CTNNA2: variants seen among roughly 807,000 people sequenced by gnomAD.
The protein encoded by CTNNA2 is catenin alpha 2.
CTNNA2 carries 42 observed loss-of-function variants against 101.0 expected under a neutral mutation model. That is an observed-to-expected ratio of 0.42 (90% CI 0.32 to 0.54). The LOEUF (loss-of-function observed/expected upper bound fraction) is 0.54. CTNNA2 is among the 20% of genes least tolerant of loss of function. CTNNA2 has a pLI of 0.14. For synonymous variants in CTNNA2, 450 were observed against 456.4 expected (o/e 0.99, Z 0.18); for missense variants, 871 against 1,223.1 (o/e 0.71, Z 4.29).
intron 4 of CTNNA2, among the ~76,000 whole-genome samples, chr2:79,482,166 A>G (rs1481611779): frequency 6.6e-6 from 1 of 152,186 alleles, no homozygotes; most frequent in African/African-American, 2.4e-5. Context: ...ACGGTTCATA[A>G]CAATAGAGAC....
At chr2:79,395,526 T>G (rs1405389571) in intron 4 of CTNNA2, among the ~76,000 whole-genome samples, 1 of 151,988 alleles carries the variant, frequency 6.6e-6, no homozygotes, top group Non-Finnish European at 1.5e-5. Flanking sequence ...GAAGAGAAAA[T>G]TTTTGAATGT....
rs116966994 is a variant in CTNNA2, at chr2:79,463,741, C to A, written c.-134-41313C>A. The stretch of plus-strand genomic sequence containing the variant: ...TTCTCAACAGATCATTCTGAGATCT[C>A]GAGAGTGGAAGGGGTGCCATTACCA... On this transcript the variant is annotated intron_variant, in intron 4 of 21. Transcript: ENST00000466387. Among the ~76,000 whole-genome samples, 178 of 152,182 alleles carry A rather than the reference C, an allele frequency of 1.2e-3. 4 individuals carry two copies. The East Asian group carries it at 0.029, about 25-fold the overall frequency.
chr2:79,927,503 TA>T (rs1352156987), intron 7 of CTNNA2, among the ~76,000 whole-genome samples: 1 of 152,078 alleles, frequency 6.6e-6, no homozygotes, highest in African/African-American at 2.4e-5. Context: ...ATAACTAAAA[TA>T]ACCTGAAGAT....
chr2:79,321,002 T>C (rs1186785786), intron 3 of CTNNA2, among the ~76,000 whole-genome samples: 1 of 152,198 alleles, frequency 6.6e-6, no homozygotes, highest in Non-Finnish European at 1.5e-5. Flanking sequence ...CCTAGGATCT[T>C]AGAGTATCTC....
chr2:79,288,220 C>T (rs113075417), intron 2 of CTNNA2, among the ~76,000 whole-genome samples: 19,681 of 152,284 alleles, frequency 0.13, 1,388 homozygotes, highest in Middle Eastern at 0.21. Flanking sequence ...GCGTCACTCA[C>T]GCTGGGAGCT....
At chr2:80,400,349 G>T (rs1559077978) in intron 8 of CTNNA2, among the ~76,000 whole-genome samples, 1 of 151,954 alleles carries the variant, frequency 6.6e-6, no homozygotes, top group African/African-American at 2.4e-5. Context: ...CTTCCTGCAG[G>T]CTCTGCCATG....
chr2:79,525,752 G>T (rs1477496479), intron 1 of CTNNA2, among the ~76,000 whole-genome samples: 1 of 151,940 alleles, frequency 6.6e-6, no homozygotes, highest in East Asian at 1.9e-4. Context: ...TCATGGAATG[G>T]CAAGAGACTT....
intron 2 of CTNNA2, among the ~76,000 whole-genome samples, chr2:79,655,781 A>G (rs1681568496): frequency 6.6e-6 from 1 of 151,704 alleles, no homozygotes; most frequent in Admixed American, 6.6e-5. Context: ...GTGAGCCAAG[A>G]TCATGCCACT....
intron 3 of CTNNA2, among the ~76,000 whole-genome samples, chr2:79,765,630 C>G (rs1398649160): frequency 1.3e-5 from 2 of 152,152 alleles, no homozygotes; most frequent in African/African-American, 4.8e-5. Context: ...GAACACACAC[C>G]CATCTTCCCT....
In CTNNA2 at chr2:80,584,869, T is replaced by G. The variant is rs1017717347; in HGVS notation, c.2007+3050T>G. Among the ~76,000 whole-genome samples, 11 of 152,290 alleles carry G rather than the reference T, an allele frequency of 7.2e-5. No homozygotes were observed. In the East Asian group the frequency reaches 1.5e-3, roughly 21 times the overall value. On this transcript the variant is annotated intron_variant, in intron 14 of 18. Coordinates refer to ENST00000402739, the MANE Select transcript of CTNNA2 (RefSeq NM_001282597.3). Reference sequence around the variant, plus strand: ...TCATTAGAAGGCTGACTAAATAATTTCACCTAAAAGAGTTGGATCATTCAG... The same window carrying G: ...TCATTAGAAGGCTGACTAAATAATTGCACCTAAAAGAGTTGGATCATTCAG...
At chr2:79,352,029 G>A (rs765345350) in intron 3 of CTNNA2, among the ~76,000 whole-genome samples, 3 of 152,134 alleles carry the variant, frequency 2.0e-5, no homozygotes, top group East Asian at 1.9e-4. Context: ...GAACTAATTT[G>A]CATTCCTGCC....
intron 1 of CTNNA2, among the ~76,000 whole-genome samples, chr2:79,616,602 C>CCAT (rs1379588290): frequency 5.9e-5 from 9 of 152,158 alleles, no homozygotes; most frequent in South Asian, 2.1e-4. Flanking sequence ...ATCCATCCAC[C>CCAT]CATCACCTTC....
chr2:79,381,687 T>G (rs937767922), intron 4 of CTNNA2, among the ~76,000 whole-genome samples: 5 of 152,202 alleles, frequency 3.3e-5, no homozygotes, highest in African/African-American at 1.2e-4. Flanking sequence ...TTTCTCTTTG[T>G]TCAGAGGCTC....
chr2:79,341,890 G>C lies in CTNNA2; in HGVS notation c.-318+29094G>C, dbSNP rs556011724. ...GAATAATAAGTTGTCCTTCAGGTCT[G>C]ACCTAGGAGTCTGATGTCTTTTATG... On this transcript the variant is annotated intron_variant, in intron 3 of 21. Coordinates refer to the CTNNA2 transcript ENST00000466387. Among the ~76,000 whole-genome samples the C allele has an allele frequency of 3.9e-5, 6 of 152,282 alleles. No homozygotes were observed. In the South Asian group the frequency reaches 1.2e-3, roughly 32 times the overall value.
intron 4 of CTNNA2, among the ~76,000 whole-genome samples, chr2:79,479,130 C>G (rs905578434): frequency 6.6e-6 from 1 of 152,198 alleles, no homozygotes; most frequent in Non-Finnish European, 1.5e-5. Context: ...ATGTTACCAT[C>G]TTCCTGAAGT....
chr2:79,374,043 G>A (rs1385515172), intron 4 of CTNNA2: 1 of 152,308 alleles, frequency 6.6e-6, no homozygotes, highest in African/African-American at 2.4e-5. Flanking sequence ...TCTCATTCAA[G>A]CTTATTCTTC....
chr2:79,677,811 A>G (rs1683286389), intron 2 of CTNNA2, among the ~76,000 whole-genome samples: 1 of 152,234 alleles, frequency 6.6e-6, no homozygotes, highest in African/African-American at 2.4e-5. Flanking sequence ...GAATAACAAT[A>G]ATTTGTAAAA....
intron 2 of CTNNA2, among the ~76,000 whole-genome samples, chr2:79,661,414 A>G (rs1483036952): frequency 6.6e-6 from 1 of 152,228 alleles, no homozygotes; most frequent in East Asian, 1.9e-4. Flanking sequence ...AATGCCATTT[A>G]GTAGAAGATA....
chr2:80,164,843 T>C (rs994304832), intron 7 of CTNNA2, among the ~76,000 whole-genome samples: 8 of 152,060 alleles, frequency 5.3e-5, no homozygotes, highest in Non-Finnish European at 1.2e-4. Context: ...ACAGTTCTTA[T>C]TTTCAGTCTT....
Sources: allele counts gnomAD v4.1 joint callset (sites outside exome capture counted in the v4.1 genomes callset), GRCh38; gene constraint gnomAD v4.1.1; transcripts MANE v1.5; gene names NCBI Gene and HGNC (gene_info 2026-07-23, HGNC 2026-07-21).